The following CLMN variants were observed in gnomAD, a reference collection of about 807,000 sequenced individuals.
The protein encoded by CLMN is calmin (calponin-like, transmembrane).
In CLMN, 57 loss-of-function variants were observed where a neutral mutation model predicts 92.7. The observed-to-expected ratio is 0.61, with a 90% CI of 0.50 to 0.77. The LOEUF (loss-of-function observed/expected upper bound fraction) is 0.77. Ranked by LOEUF, CLMN falls within the 30% of genes least tolerant of loss-of-function variation. CLMN has a pLI of 0.00. For synonymous variants in CLMN, 466 were observed against 470.6 expected (o/e 0.99, Z 0.13); for missense variants, 1,158 against 1,237.5 (o/e 0.94, Z 0.96).
Position 95,196,529 on chromosome 14 carries a change from C to T in CLMN, c.2677G>A (p.Glu893Lys), listed in dbSNP as rs1221161338. ...GGAATGCTGTAGTCGCTACTGTCTT[C>T]TTCTAGGTCATCTGAGGATTGAACA... is the stretch of plus-strand genomic sequence containing the variant. ...GSVQSSDDLE[E>K]DSSDYSIPSR... Residue 893 changes from glutamate (E) to lysine (K), a missense_variant, in exon 10 of 13, where the codon GAA becomes AAA. Coordinates refer to ENST00000298912, the MANE Select transcript of CLMN (RefSeq NM_024734.4). 2.5e-6 allele frequency: 4 copies of T among 1,613,888 alleles called. No homozygotes were observed. Among genetic ancestry groups the T allele is most frequent in the East Asian group, 2.2e-5 (1 of 44,890 alleles).
intron 10 of CLMN, 64 bp downstream of exon 10, chr14:95,196,434 A>C: frequency 1.1e-5 from 17 of 1,501,314 alleles, no homozygotes; most frequent in Non-Finnish European, 1.5e-5. Flanking sequence ...TCAAATCAGA[A>C]ACTGCAAATA....
At position 95,256,010 on chromosome 14, in the gene CLMN, T is replaced by TA. The variant is rs1898984905; in HGVS notation, c.83-25878dup. Among the ~76,000 whole-genome samples the TA allele has an allele frequency of 6.6e-6, 1 of 152,232 alleles. No homozygotes were observed. The highest frequency in any genetic ancestry group is 1.5e-5 in the Non-Finnish European group (1 of 68,042). ...TATTCTTTTAACCCTATGAGGCAGCTACTATCCTTATCCCCATTTTACAAA... is the reference window on the plus strand; with the variant it reads ...TATTCTTTTAACCCTATGAGGCAGCTAACTATCCTTATCCCCATTTTACAAA... On this transcript the variant is annotated intron_variant, in intron 1 of 12. Coordinates refer to ENST00000298912, the MANE Select transcript of CLMN (RefSeq NM_024734.4). This position sits in a 1 kb window ranked among gnomAD's most constrained non-coding sequence, Gnocchi z 4.9.
chr14:95,212,036 G>A (rs1279759371), intron 6 of CLMN, among the ~76,000 whole-genome samples: 6 of 152,118 alleles, frequency 3.9e-5, no homozygotes, highest in South Asian at 2.1e-4. Flanking sequence ...TGATATTTAT[G>A]TAAACAACAT....
intron 4 of CLMN, among the ~76,000 whole-genome samples, chr14:95,219,466 G>A (rs767214039): frequency 6.6e-6 from 1 of 152,206 alleles, no homozygotes; most frequent in South Asian, 2.1e-4. Flanking sequence ...CAATCAAGGG[G>A]GGTGACGCAG....
At position 95,196,655 on chromosome 14, in the gene CLMN, G is replaced by T; in HGVS notation, c.2551C>A (p.Leu851Ile). Residue 851 changes from leucine (L) to isoleucine (I), a missense_variant, in exon 10 of 13, where the codon CTA becomes ATA. Leu to Ile is a conservative substitution (Grantham distance 5). Coordinates refer to ENST00000298912, the MANE Select transcript of CLMN (RefSeq NM_024734.4). The stretch of plus-strand genomic sequence containing the variant: ...GATTCTTTCGTTACATTTTCTTCTA[G>T]GGGGTTTGCTATGTTTTCCAGGTTT... Reference protein sequence around the residue: ...SPNLENIANPLEENVTKESIS... With the variant: ...SPNLENIANPIEENVTKESIS... 6.2e-7 allele frequency: 1 copy of T among 1,613,540 alleles called. No homozygotes were observed. The highest frequency in any genetic ancestry group is 8.5e-7 in the Non-Finnish European group (1 of 1,179,860).
intron 1 of CLMN, among the ~76,000 whole-genome samples, chr14:95,303,246 G>C (rs1336274486): frequency 6.6e-6 from 1 of 152,228 alleles, no homozygotes; most frequent in Admixed American, 6.5e-5. Flanking sequence ...ACCAAACAAT[G>C]CATGTTCTAC....
At chr14:95,200,604 G>A (rs1184867841) in intron 9 of CLMN, among the ~76,000 whole-genome samples, 3 of 152,130 alleles carry the variant, frequency 2.0e-5, no homozygotes, top group African/African-American at 7.2e-5. Flanking sequence ...GCATCTGCAG[G>A]AGGAGCCTCC....
intron 1 of CLMN, among the ~76,000 whole-genome samples, chr14:95,261,658 C>T (rs574763855): frequency 6.6e-6 from 1 of 152,306 alleles, no homozygotes; most frequent in Non-Finnish European, 1.5e-5. Context: ...TTTAGAGGAC[C>T]TGTGCCTCTG....
intron 1 of CLMN, among the ~76,000 whole-genome samples, chr14:95,243,846 G>GT (rs1898354987): frequency 6.6e-6 from 1 of 151,278 alleles, no homozygotes; most frequent in South Asian, 2.1e-4. Flanking sequence ...TTGGATTTGT[G>GT]TCCCCACCCA....
intron 1 of CLMN, among the ~76,000 whole-genome samples, chr14:95,270,481 T>C (rs571834904): frequency 1.4e-4 from 22 of 152,328 alleles, no homozygotes; most frequent in African/African-American, 5.3e-4. Context: ...CAAACACTAA[T>C]AGACCTTCTA....
intron 1 of CLMN, among the ~76,000 whole-genome samples, chr14:95,314,136 C>T (rs1465740875): frequency 6.6e-6 from 1 of 152,114 alleles, no homozygotes; most frequent in Non-Finnish European, 1.5e-5. Context: ...GGCCCCTGAA[C>T]ACTCTCGTTC....
At chr14:95,247,416 G>A (rs1898612719) in intron 1 of CLMN, among the ~76,000 whole-genome samples, 1 of 152,232 alleles carries the variant, frequency 6.6e-6, no homozygotes, top group South Asian at 2.1e-4. Flanking sequence ...GAAGAAAAGA[G>A]GTGCTGTGCC....
At chr14:95,231,497 C>G (rs563128794) in intron 1 of CLMN, among the ~76,000 whole-genome samples, 1 of 152,178 alleles carries the variant, frequency 6.6e-6, no homozygotes, top group African/African-American at 2.4e-5. Flanking sequence ...CGCGCCCAGC[C>G]GCATTAAATC....
At chr14:95,277,139 C>T (rs1275607924) in intron 1 of CLMN, among the ~76,000 whole-genome samples, 1 of 151,998 alleles carries the variant, frequency 6.6e-6, no homozygotes, top group Non-Finnish European at 1.5e-5. Context: ...ATTGTCTCTT[C>T]GCAAAGTTTT....
intron 10 of CLMN, among the ~76,000 whole-genome samples, chr14:95,195,400 T>G (rs779996078): frequency 6.6e-6 from 1 of 152,224 alleles, no homozygotes; most frequent in Non-Finnish European, 1.5e-5. Context: ...CTGTTGTGCC[T>G]TGGCCCTCCT....
chr14:95,221,854 G>A, intron 3 of CLMN, 80 bp from the exon 4 acceptor site: 1 of 1,323,044 alleles, frequency 7.6e-7, no homozygotes, highest in Non-Finnish European at 1.0e-6. Flanking sequence ...TGCTGGGTGT[G>A]CTTTACTTTT....
intron 1 of CLMN, among the ~76,000 whole-genome samples, chr14:95,237,665 C>G (rs1322846025): frequency 6.6e-6 from 1 of 152,218 alleles, no homozygotes; most frequent in African/African-American, 2.4e-5. Context: ...CCAAGAAGCC[C>G]AGCGTCTCAC....
intron 1 of CLMN, among the ~76,000 whole-genome samples, chr14:95,302,360 A>T (rs11848387): frequency 0.35 from 52,804 of 151,856 alleles, 9,568 homozygotes; most frequent in Non-Finnish European, 0.41. Context: ...GGAGGGAAGG[A>T]GGGAGGAAGG....
At chr14:95,193,950 G>A (rs773854313) in intron 11 of CLMN, 31 bp from the exon 12 acceptor site, 9 of 1,607,536 alleles carry the variant, frequency 5.6e-6, no homozygotes, top group Middle Eastern at 1.7e-4. Flanking sequence ...AAAAGCCCCC[G>A]CAACCCAATT....
Sources: gnomAD v4.1 joint callset for allele counts (sites outside exome capture counted in the v4.1 genomes callset) on GRCh38, gnomAD v4.1.1 for gene constraint, Gnocchi (gnomAD v3.1) non-coding constraint, MANE v1.5 for transcripts, NCBI Gene and HGNC (gene_info 2026-07-23, HGNC 2026-07-21) for gene names.